The following NUDT7 variants were observed in gnomAD, a reference collection of about 807,000 sequenced individuals.
NUDT7 encodes the protein peroxisomal coenzyme A diphosphatase NUDT7.
A neutral mutation model predicts 13.1 loss-of-function variants in NUDT7; 19 were observed. The ratio of observed to expected loss-of-function variants is 1.45; its 90% confidence interval spans 1.01 to 2.13. The LOEUF (loss-of-function observed/expected upper bound fraction) is 2.13, where lower values mean the gene tolerates loss of function less well. Ranked by LOEUF, NUDT7 falls within the 30% of genes most tolerant of loss-of-function variation. The probability of loss-of-function intolerance (pLI) is 0.00; values close to 1 mark genes in which losing one functional copy is unlikely to be tolerated. For synonymous variants in NUDT7, 132 were observed against 109.7 expected, an observed-to-expected ratio of 1.20 and a Z score of -1.27; for missense variants, 360 against 291.7, an observed-to-expected ratio of 1.23 and a Z score of -1.71.
intron 1 of NUDT7, among the ~76,000 whole-genome samples, chr16:77,724,718 T>A (rs2014074453): frequency 6.6e-6 from 1 of 152,236 alleles, no homozygotes; most frequent in South Asian, 2.1e-4. Flanking sequence ...TTCAACCCAC[T>A]ATACAAACTA....
chr16:77,734,609 G>A (rs1427925441), intron 2 of NUDT7, among the ~76,000 whole-genome samples: 3 of 152,042 alleles, frequency 2.0e-5, no homozygotes, highest in African/African-American at 4.8e-5. Flanking sequence ...GACACAGAGC[G>A]GGACTCCATG....
chr16:77,723,660 C>T (rs563561119), intron 1 of NUDT7, among the ~76,000 whole-genome samples: 1 of 143,392 alleles, frequency 7.0e-6, no homozygotes, highest in African/African-American at 2.7e-5. Context: ...TAGGCAATCT[C>T]GGCTCACTGC....
At chr16:77,727,508 G>A (rs987629169) in intron 2 of NUDT7, among the ~76,000 whole-genome samples, 1 of 152,188 alleles carries the variant, frequency 6.6e-6, no homozygotes, top group Non-Finnish European at 1.5e-5. Flanking sequence ...ACCAGTGTCT[G>A]TTCCCACCTC....
chr16:77,735,286 G>A lies in NUDT7; in HGVS notation c.190-542G>A, dbSNP rs570186231. 60 of 405,860 alleles carry A rather than the reference G, an allele frequency of 1.5e-4. No homozygotes were observed. In the South Asian group the frequency reaches 5.0e-3, roughly 34 times the overall value. 25.1% of individuals were successfully genotyped at this position (405,860 alleles called of 1,614,324 possible). On this transcript the variant is annotated intron_variant, in intron 2 of 3. Coordinates refer to ENST00000268533, the MANE Select transcript of NUDT7 (RefSeq NM_001105663.3). ...TGGGAGGTGATTTGATCACGTGGGCGGATTTCCCCCTTGGTACTGTCATCA... is the reference window on the plus strand; with the variant it reads ...TGGGAGGTGATTTGATCACGTGGGCAGATTTCCCCCTTGGTACTGTCATCA...
At position 77,742,121 on chromosome 16, in the gene NUDT7, A is replaced by G. The variant is rs1381135195; in HGVS notation, c.*171A>G. 1.5e-6 allele frequency: 2 copies of G among 1,348,654 alleles called. No individual in the cohort carries two copies. The highest frequency in any genetic ancestry group is 5.5e-5 in the East Asian group (2 of 36,452). The allele number at this position is 1,348,654 out of a possible 1,614,324, so 83.5% of individuals were successfully genotyped here. On this transcript the variant is annotated 3_prime_UTR_variant, in exon 4 of 4. Coordinates refer to ENST00000268533, the MANE Select transcript of NUDT7 (RefSeq NM_001105663.3). ...TTGCCTTCTATTGTCTGAAAAAGTA[A>G]AAGCCATTCAAAAATGAAAACTATG...
At chr16:77,733,400 C>A (rs557811762) in intron 2 of NUDT7, among the ~76,000 whole-genome samples, 1 of 152,314 alleles carries the variant, frequency 6.6e-6, no homozygotes, top group Non-Finnish European at 1.5e-5. Context: ...TGTCTCTGGT[C>A]TCTTTTATAA....
At chr16:77,723,648 A>G (rs543770801) in intron 1 of NUDT7, among the ~76,000 whole-genome samples, 1 of 143,748 alleles carries the variant, frequency 7.0e-6, no homozygotes, top group East Asian at 2.1e-4. Flanking sequence ...GCTACAGTGC[A>G]GTAGGCAATC....
At chr16:77,728,547 G>T (rs539914665) in intron 2 of NUDT7, among the ~76,000 whole-genome samples, 1 of 152,086 alleles carries the variant, frequency 6.6e-6, no homozygotes, top group Non-Finnish European at 1.5e-5. Context: ...TGCAAAGTTC[G>T]TAAATCTCTT....
Position 77,722,544 on chromosome 16 carries a change from T to A in NUDT7, c.-39T>A, listed in dbSNP as rs944755304. The A allele has an allele frequency of 6.4e-7, 1 of 1,561,218 alleles. No individual in the cohort carries two copies. Among genetic ancestry groups the A allele is most frequent in the Non-Finnish European group, 8.7e-7 (1 of 1,151,710 alleles). ...GCGCAAGCGCGACCGACCGAGCAGCTCCGAGGAGTCCGCCCGGAAACAAAC... is the reference window on the plus strand; with the variant it reads ...GCGCAAGCGCGACCGACCGAGCAGCACCGAGGAGTCCGCCCGGAAACAAAC... On this transcript the variant is annotated 5_prime_UTR_variant, in exon 1 of 4. Transcript: ENST00000268533.
chr16:77,734,382 G>A (rs1241041359), intron 2 of NUDT7, among the ~76,000 whole-genome samples: 2 of 152,144 alleles, frequency 1.3e-5, no homozygotes, highest in Admixed American at 6.5e-5. Context: ...CCAGCACTTT[G>A]GGAGGCCGAG....
chr16:77,735,488 C>T (rs2014449297), intron 2 of NUDT7: 1 of 625,306 alleles, frequency 1.6e-6, no homozygotes, highest in East Asian at 2.7e-5. Flanking sequence ...CATCATGCTC[C>T]CTGTACGGCC....
chr16:77,735,368 C>T (rs886342597), intron 2 of NUDT7: 6 of 539,356 alleles, frequency 1.1e-5, no homozygotes, highest in African/African-American at 7.5e-5. Context: ...AGCACCTCCC[C>T]TCCCTCTCTC....
intron 3 of NUDT7, among the ~76,000 whole-genome samples, chr16:77,740,789 C>T (rs2014633903): frequency 6.6e-6 from 1 of 151,840 alleles, no homozygotes. Context: ...CTCAGGTGGT[C>T]CGCCCACCTC....
chr16:77,725,732 G>C, intron 2 of NUDT7, 148 bp downstream of exon 2: 2 of 626,426 alleles, frequency 3.2e-6, no homozygotes, highest in Admixed American at 3.2e-5. Flanking sequence ...CAAGCCACAG[G>C]ATAACATGGT....
chr16:77,741,637 AG>A lies in NUDT7; in HGVS notation c.405del (p.Gln135HisfsTer57). 6.2e-7 allele frequency: 1 copy of A among 1,613,924 alleles called. No individual in the cohort carries two copies. Among genetic ancestry groups the A allele is most frequent in the Non-Finnish European group, 8.5e-7 (1 of 1,180,008 alleles). ...VGLIDHNFQA[Q>X]PNPAEVKDVF... ...TTAATAGACCACAACTTCCAGGCCC[AG>A]CCGAATCCTGCTGAAGTTAAGGATG... On this transcript the variant is annotated frameshift_variant, in exon 4 of 4. Coordinates refer to ENST00000268533, the MANE Select transcript of NUDT7 (RefSeq NM_001105663.3). LOFTEE classifies it low-confidence loss of function (END_TRUNC).
At chr16:77,727,380 G>A (rs2014170041) in intron 2 of NUDT7, among the ~76,000 whole-genome samples, 12 of 148,878 alleles carry the variant, frequency 8.1e-5, no homozygotes. Flanking sequence ...GAGTTTTGTG[G>A]ACGTGGAAGT....
At chr16:77,741,489 A>G (rs2145132386) in intron 3 of NUDT7, 93 bp from the exon 4 acceptor site, 1 of 1,332,732 alleles carries the variant, frequency 7.5e-7, no homozygotes, top group East Asian at 2.3e-5. Context: ...GGTTCGGTGT[A>G]TTTTCTTAGC....
At chr16:77,727,041 T>C (rs1419777061) in intron 2 of NUDT7, among the ~76,000 whole-genome samples, 2 of 152,206 alleles carry the variant, frequency 1.3e-5, no homozygotes, top group East Asian at 3.9e-4. Context: ...CTCACTATCA[T>C]GGGGACAGTG....
chr16:77,724,833 C>T (rs750663575), intron 1 of NUDT7, among the ~76,000 whole-genome samples: 3 of 152,210 alleles, frequency 2.0e-5, no homozygotes, highest in Admixed American at 6.5e-5. Flanking sequence ...AAATTGTTCT[C>T]AGAATGTGTT....
Sources: gnomAD v4.1 joint callset for allele counts (sites outside exome capture counted in the v4.1 genomes callset) on GRCh38, gnomAD v4.1.1 for gene constraint, MANE v1.5 for transcripts, NCBI Gene and HGNC (gene_info 2026-07-23, HGNC 2026-07-21) for gene names.